The following GRID1 variants were observed in gnomAD, a reference collection of about 807,000 sequenced individuals.
GRID1 encodes glutamate ionotropic receptor delta type subunit 1, also known as glutamate receptor ionotropic, delta-1.
Under a neutral mutation model 98.0 loss-of-function variants are expected in GRID1, and 28 were observed. That is an observed-to-expected ratio of 0.29 (90% CI 0.21 to 0.39). The LOEUF is 0.39. Among genes scored for constraint, GRID1 ranks in the 10% least tolerant of loss-of-function variants. The pLI, the probability that GRID1 is intolerant of heterozygous loss-of-function variation, is 1.00. For missense variants in GRID1, 1,111 were observed against 1,340.5 expected, an observed-to-expected ratio of 0.83 and a Z score of 2.67; for synonymous variants, 553 against 538.5, an observed-to-expected ratio of 1.03 and a Z score of -0.37.
chr10:85,754,859 T>C (rs1255144873), intron 8 of GRID1, among the ~76,000 whole-genome samples: 2 of 152,220 alleles, frequency 1.3e-5, no homozygotes, highest in Non-Finnish European at 2.9e-5. Context: ...AATTAATGCC[T>C]ACCTACCTTA....
chr10:86,326,130 T>C (rs1848047293), intron 2 of GRID1, among the ~76,000 whole-genome samples: 1 of 152,256 alleles, frequency 6.6e-6, no homozygotes, highest in Non-Finnish European at 1.5e-5. Flanking sequence ...AGCTCATTTG[T>C]ATTAGAAATA....
intron 3 of GRID1, among the ~76,000 whole-genome samples, chr10:86,183,504 C>T (rs1038401738): frequency 6.6e-6 from 1 of 152,138 alleles, no homozygotes; most frequent in Admixed American, 6.5e-5. Context: ...GGATTACAGG[C>T]ATGCGCCACC....
intron 4 of GRID1, among the ~76,000 whole-genome samples, chr10:85,996,753 C>G (rs1006107724): frequency 6.7e-6 from 1 of 149,752 alleles, no homozygotes; most frequent in Non-Finnish European, 1.5e-5. Flanking sequence ...CGCTTGAACC[C>G]AGGAGGTAGA....
At chr10:85,874,844 GGTTAT>G (rs68058261) in intron 5 of GRID1, among the ~76,000 whole-genome samples, 8,394 of 151,912 alleles carry the variant, frequency 0.055, 306 homozygotes, top group Non-Finnish European at 0.079. Flanking sequence ...TATATTTTGG[GGTTAT>G]GTTATTTTAT....
At chr10:85,773,343 T>G (rs1436219131) in intron 8 of GRID1, among the ~76,000 whole-genome samples, 2 of 152,176 alleles carry the variant, frequency 1.3e-5, no homozygotes, top group Non-Finnish European at 2.9e-5. Context: ...AAGAGCTATC[T>G]ATGACAAGCC....
chr10:86,201,488 T>G (rs1339063282), intron 3 of GRID1, among the ~76,000 whole-genome samples: 1 of 151,942 alleles, frequency 6.6e-6, no homozygotes, highest in Non-Finnish European at 1.5e-5. Flanking sequence ...TGAGAACCCA[T>G]GGACACACAG....
rs115065089 is a variant in GRID1 at position 85,989,046 on chromosome 10, G to A, written c.727-72807C>T. Among the ~76,000 whole-genome samples, 855 of 152,320 alleles carry A rather than the reference G, an allele frequency of 5.6e-3. 9 individuals are homozygous for A. The highest frequency in any genetic ancestry group is 0.019 in the African/African-American group (781 of 41,570). On this transcript the variant is annotated intron_variant, in intron 4 of 15. Coordinates refer to ENST00000327946, the MANE Select transcript of GRID1 (RefSeq NM_017551.3). ...GGAAGAAACAGGAGAGGCGGATTAC[G>A]CAGGTTTAGGATTGGCTGGTGTGAA... is the stretch of plus-strand genomic sequence containing the variant.
At chr10:85,761,547 T>G (rs1046725008) in intron 8 of GRID1, among the ~76,000 whole-genome samples, 4 of 152,206 alleles carry the variant, frequency 2.6e-5, no homozygotes, top group Non-Finnish European at 5.9e-5. Context: ...ATTACACCGT[T>G]GTGCTGTGCA....
At chr10:85,838,260 T>G (rs1390370933) in intron 8 of GRID1, among the ~76,000 whole-genome samples, 1 of 152,166 alleles carries the variant, frequency 6.6e-6, no homozygotes, top group Non-Finnish European at 1.5e-5. Context: ...CCATGAGAAC[T>G]TCCCCAACCT....
intron 3 of GRID1, among the ~76,000 whole-genome samples, chr10:86,168,377 T>G (rs1845431844): frequency 6.6e-6 from 1 of 151,770 alleles, no homozygotes; most frequent in African/African-American, 2.4e-5. Context: ...CTGGGAAAAG[T>G]GAAACTCGCC....
chr10:85,729,597 T>C lies in GRID1; in HGVS notation c.1251A>G (p.Ser417=). The C allele has an allele frequency of 6.2e-7, 1 of 1,611,660 alleles. No individual in the cohort carries two copies. Among genetic ancestry groups the C allele is most frequent in the Non-Finnish European group, 8.5e-7 (1 of 1,177,970 alleles). ...GCAAGCTGCCATTCAAGCCCTTCTC[T>C]GAGTCCCATGTCGCCAACTGTGAAG... The part of the protein sequence containing the change: ...KDMRKLATWD[S]EKGLNGSLQE... The change falls in exon 9 of 16, where the codon TCA becomes TCG. Residue 417 remains serine (S), a synonymous_variant. Transcript: ENST00000327946.
intron 8 of GRID1, among the ~76,000 whole-genome samples, chr10:85,802,152 G>A (rs1429354999): frequency 1.3e-5 from 2 of 152,014 alleles, no homozygotes; most frequent in Admixed American, 1.3e-4. Flanking sequence ...AATATGGTAA[G>A]GATATCAACT....
At chr10:85,650,901 G>A (rs1251241484) in intron 12 of GRID1, among the ~76,000 whole-genome samples, 2 of 152,222 alleles carry the variant, frequency 1.3e-5, no homozygotes, top group Non-Finnish European at 1.5e-5. Context: ...GGGTGTGGAT[G>A]CTGCTTTGAA....
At chr10:85,858,500 T>A (rs926469016) in intron 6 of GRID1, among the ~76,000 whole-genome samples, 2 of 152,136 alleles carry the variant, frequency 1.3e-5, no homozygotes, top group African/African-American at 4.8e-5. Flanking sequence ...CACTCTTTGT[T>A]GCTGTCAACT....
rs377336548 is a variant in GRID1 at position 86,287,125 on chromosome 10, G to A, written c.235+76816C>T. ...ATGCACAGGACAGCTCTGGAGGCACGGAAGTAGATGGAATGCCTGGGCACA... is the reference window on the plus strand; with the variant it reads ...ATGCACAGGACAGCTCTGGAGGCACAGAAGTAGATGGAATGCCTGGGCACA... On this transcript the variant is annotated intron_variant, in intron 2 of 15. Coordinates refer to ENST00000327946, the MANE Select transcript of GRID1 (RefSeq NM_017551.3). Among the ~76,000 whole-genome samples the A allele has an allele frequency of 8.5e-5, 13 of 152,314 alleles. No individual in the cohort carries two copies. In the South Asian group the frequency reaches 2.3e-3, roughly 27 times the overall value.
At chr10:85,655,287 A>G (rs1398618221) in intron 12 of GRID1, among the ~76,000 whole-genome samples, 1 of 152,108 alleles carries the variant, frequency 6.6e-6, no homozygotes, top group African/African-American at 2.4e-5. Flanking sequence ...GAGTGGATCC[A>G]TGCCCACTGG....
intron 5 of GRID1, among the ~76,000 whole-genome samples, chr10:85,895,017 A>ATATATG (rs1491276816): frequency 1.2e-5 from 1 of 84,328 alleles, no homozygotes; most frequent in Non-Finnish European, 2.4e-5. Flanking sequence ...AAAAAAAAAA[A>ATATATG]TATATATATA....
intron 12 of GRID1, among the ~76,000 whole-genome samples, chr10:85,688,930 A>G (rs945427237): frequency 6.6e-6 from 1 of 152,084 alleles, no homozygotes; most frequent in Non-Finnish European, 1.5e-5. Flanking sequence ...GTAAGCCTGG[A>G]AATACACATC....
At chr10:86,041,255 G>A (rs577999552) in intron 4 of GRID1, among the ~76,000 whole-genome samples, 2 of 152,344 alleles carry the variant, frequency 1.3e-5, no homozygotes, top group East Asian at 1.9e-4. Flanking sequence ...TGGTTGGGCA[G>A]GCCCTTGAGC....
Sources: gnomAD v4.1 joint callset for allele counts (sites outside exome capture counted in the v4.1 genomes callset) on GRCh38, gnomAD v4.1.1 for gene constraint, MANE v1.5 for transcripts, NCBI Gene and HGNC (gene_info 2026-07-23, HGNC 2026-07-21) for gene names.